Variants in PLPP7 observed in about 807,000 individuals in gnomAD.
The protein encoded by PLPP7 is inactive phospholipid phosphatase 7.
In PLPP7, 11 loss-of-function variants were observed where a neutral mutation model predicts 16.9. That is an observed-to-expected ratio of 0.65 (90% CI 0.41 to 1.08). The LOEUF is 1.08. PLPP7 is among the 50% of genes least tolerant of loss of function. PLPP7 has a pLI of 0.00. For synonymous variants in PLPP7, 174 were observed against 175.1 expected (o/e 0.99, Z 0.05); for missense variants, 358 against 397.1 (o/e 0.90, Z 0.84).
chr9:131,291,221 C>G, intron 1 of PLPP7: 1 of 1,352,380 alleles, frequency 7.4e-7, no homozygotes, highest in Non-Finnish European at 9.9e-7. Context: ...CGGGCACCAC[C>G]AGGTCCCCAA....
intron 1 of PLPP7, among the ~76,000 whole-genome samples, chr9:131,305,790 G>A (rs1835845924): frequency 6.6e-6 from 1 of 152,084 alleles, no homozygotes; most frequent in Non-Finnish European, 1.5e-5. Context: ...CATCACACAT[G>A]TCTAATTTTT....
intron 1 of PLPP7, among the ~76,000 whole-genome samples, chr9:131,296,319 A>AT (rs1835734446): frequency 6.6e-6 from 1 of 152,060 alleles, no homozygotes; most frequent in South Asian, 2.1e-4. Flanking sequence ...GCTGGAGTAA[A>AT]GTGATGCGAT....
In PLPP7 at chr9:131,295,887, G is replaced by A. The variant is rs1279197137; in HGVS notation, c.451+5439G>A. On this transcript the variant is annotated intron_variant, in intron 1 of 1. Coordinates refer to ENST00000372264, the MANE Select transcript of PLPP7 (RefSeq NM_032728.4). This position sits in a 1 kb window ranked among gnomAD's most constrained non-coding sequence, Gnocchi z 4.0. ...TCAGTTACAGGATGGACCACATTTC[G>A]TGTATCCATTCGTGCACCCATGGAC... Among the ~76,000 whole-genome samples, 5 of 152,060 alleles carry A rather than the reference G, an allele frequency of 3.3e-5. No individual in the cohort carries two copies. The highest frequency in any genetic ancestry group is 2.1e-4 in the South Asian group (1 of 4,820).
Position 131,290,226 on chromosome 9 carries a change from T to G in PLPP7, c.229T>G (p.Phe77Val). The stretch of plus-strand genomic sequence containing the variant: ...GGACTGCATGCAGCTGAACCCCTCC[T>G]TCAAGGGCATCGCCTTCAACTCCCT... ...EEDCMQLNPS[F>V]KGIAFNSLLA... Residue 77 changes from phenylalanine (F) to valine (V), a missense_variant, in exon 1 of 2, where the codon TTC (phenylalanine) becomes GTC (valine). Transcript: ENST00000372264. This position sits in a 1 kb window ranked among gnomAD's most constrained non-coding sequence, Gnocchi z 4.2. The G allele has an allele frequency of 6.2e-7, 1 of 1,609,394 alleles. No homozygotes were observed. Among genetic ancestry groups the G allele is most frequent in the Non-Finnish European group, 8.5e-7 (1 of 1,177,488 alleles).
At position 131,298,989 on chromosome 9, in the gene PLPP7, G is replaced by A. The variant is rs78859087; in HGVS notation, c.451+8541G>A. 3.5e-3 allele frequency among the ~76,000 whole-genome samples: 529 copies of A among 151,998 alleles called. 5 individuals are homozygous for A. The highest frequency in any genetic ancestry group is 0.012 in the African/African-American group (502 of 41,460). Reference sequence around the variant, plus strand: ...GGAGCTGGTTGGGACGGAAGAGCGTGAGGGGTGGTGGACAAGCCCTGGTGT... The same window carrying A: ...GGAGCTGGTTGGGACGGAAGAGCGTAAGGGGTGGTGGACAAGCCCTGGTGT... On this transcript the variant is annotated intron_variant, in intron 1 of 1. Coordinates refer to ENST00000372264, the MANE Select transcript of PLPP7 (RefSeq NM_032728.4).
rs1835666153 is a variant in PLPP7 at position 131,290,873 on chromosome 9, G to T, written c.451+425G>T. On this transcript the variant is annotated intron_variant, in intron 1 of 1. Coordinates refer to ENST00000372264, the MANE Select transcript of PLPP7 (RefSeq NM_032728.4). The surrounding 1 kb of genome is among the most constrained non-coding windows in gnomAD (Gnocchi z 4.2). Reference sequence around the variant, plus strand: ...CTCGCTCCTTGACAGCTCCCAGCCAGGCTGTTCCCGTGAGCTGCCCCATGA... The same window carrying T: ...CTCGCTCCTTGACAGCTCCCAGCCATGCTGTTCCCGTGAGCTGCCCCATGA... Among the ~76,000 whole-genome samples, 1 of 152,140 alleles carries T rather than the reference G, an allele frequency of 6.6e-6. No homozygotes were observed. The highest frequency in any genetic ancestry group is 1.5e-5 in the Non-Finnish European group (1 of 68,022).
Position 131,308,193 on chromosome 9 carries a change from T to C in PLPP7, c.722T>C (p.Leu241Pro). 4 of 1,600,036 alleles carry C rather than the reference T, an allele frequency of 2.5e-6. No homozygotes were observed. The highest frequency in any genetic ancestry group is 3.4e-6 in the Non-Finnish European group (4 of 1,179,822). The change falls in exon 2 of 2, where the codon CTC (leucine) becomes CCC (proline). Residue 241 changes from leucine (L) to proline (P), a missense_variant. Physicochemically the swap from Leu to Pro is moderately conservative, Grantham distance 98. Coordinates refer to ENST00000372264, the MANE Select transcript of PLPP7 (RefSeq NM_032728.4). The stretch of plus-strand genomic sequence containing the variant: ...GGCCGCCACCACGTCACGGACGTCC[T>C]CTCCGGCTTTGTCATCGGCTACCTC... ...MIGRHHVTDV[L>P]SGFVIGYLQF... is the part of the protein sequence containing the mutation.
intron 1 of PLPP7, among the ~76,000 whole-genome samples, chr9:131,296,418 C>T (rs984672849): frequency 1.3e-5 from 2 of 152,144 alleles, no homozygotes; most frequent in African/African-American, 4.8e-5. Context: ...CGCCTGCCAC[C>T]ATGCCTGGCT....
rs77928457 is a variant in PLPP7, at chr9:131,305,035, G to T, written c.452-2888G>T. Among the ~76,000 whole-genome samples, 2,618 of 152,296 alleles carry T rather than the reference G, an allele frequency of 0.017. 117 individuals carry two copies. The East Asian group carries it at 0.19, about 11-fold the overall frequency. ...GGGGTTCATCTTGTCCTCTATAAAG[G>T]GGGGAATGACACAGCGCAGTTGCTG... On this transcript the variant is annotated intron_variant, in intron 1 of 1. Transcript: ENST00000372264.
rs1023663898 is a variant in PLPP7, at chr9:131,295,749, G to A, written c.451+5301G>A. ...CTAGGGACCTCAAGTAAGTGGAATC[G>A]TACTGTATTTGTCTTTTGTGGCTGG... On this transcript the variant is annotated intron_variant, in intron 1 of 1. Coordinates refer to ENST00000372264, the MANE Select transcript of PLPP7 (RefSeq NM_032728.4). The surrounding 1 kb of genome is among the most constrained non-coding windows in gnomAD (Gnocchi z 4.0). Among the ~76,000 whole-genome samples, 1 of 151,988 alleles carries A rather than the reference G, an allele frequency of 6.6e-6. No individual in the cohort carries two copies. Among genetic ancestry groups the A allele is most frequent in the Non-Finnish European group, 1.5e-5 (1 of 68,020 alleles).
rs1588211736 is a variant in PLPP7, at chr9:131,308,353, C to T, written c.*66C>T. ...GCCCTAGAGAAGGGGCAGGGGGTGG[C>T]GAGGTGGCGGGCGTGGGTGGAACAG... On this transcript the variant is annotated 3_prime_UTR_variant, in exon 2 of 2. Transcript: ENST00000372264. 7.4e-6 allele frequency: 11 copies of T among 1,491,666 alleles called. No homozygotes were observed. Among genetic ancestry groups the T allele is most frequent in the South Asian group, 6.6e-5 (5 of 75,768 alleles). The allele number at this position is 1,491,666 out of a possible 1,614,324, so 92.4% of individuals were successfully genotyped here. A position where few individuals can be genotyped will look rare whatever the true frequency, so the allele number is the denominator to read the frequency against.
At chr9:131,292,860 G>T (rs977244898) in intron 1 of PLPP7, 2 of 985,192 alleles carry the variant, frequency 2.0e-6, no homozygotes, top group African/African-American at 3.5e-5. Flanking sequence ...TTAAGATAAG[G>T]CTTCAGGCTC....
At position 131,290,160 on chromosome 9, in the gene PLPP7, G is replaced by A. The variant is rs749026819; in HGVS notation, c.163G>A (p.Gly55Arg). 16 of 1,575,580 alleles carry A rather than the reference G, an allele frequency of 1.0e-5. No individual in the cohort carries two copies. The highest frequency in any genetic ancestry group is 4.7e-5 in the South Asian group (4 of 85,938). Reference sequence around the variant, plus strand: ...AGCACAGCCCCCACCTGCTGGTGACGGGGCCAGAGAGCGACGCCAGTCACA... The same window carrying A: ...AGCACAGCCCCCACCTGCTGGTGACAGGGCCAGAGAGCGACGCCAGTCACA... ...PSAQPPPAGD[G>R]ARERRQSQQL... is the part of the protein sequence containing the mutation. Residue 55 changes from glycine (G) to arginine (R), a missense_variant, in exon 1 of 2, where the codon GGG becomes AGG. By Grantham distance (125) the Gly-to-Arg change is moderately radical. Coordinates refer to ENST00000372264, the MANE Select transcript of PLPP7 (RefSeq NM_032728.4). The surrounding 1 kb of genome is among the most constrained non-coding windows in gnomAD (Gnocchi z 4.2).
At position 131,291,101 on chromosome 9, in the gene PLPP7, T is replaced by C. The variant is rs28636043; in HGVS notation, c.451+653T>C. 1,899 of 1,366,450 alleles carry C rather than the reference T, an allele frequency of 1.4e-3. 28 individuals carry two copies. In the African/African-American group the frequency reaches 0.025, roughly 18 times the overall value. 84.6% of individuals were successfully genotyped at this position (1,366,450 alleles called of 1,614,324 possible). On this transcript the variant is annotated intron_variant, in intron 1 of 1. Transcript: ENST00000372264. The stretch of plus-strand genomic sequence containing the variant: ...TTGTTTGCAAAGTCTTTGCCACCAA[T>C]GTCTTGCAGATTAGCACCGCCCTGT...
At chr9:131,307,667 G>C (rs1835868924) in intron 1 of PLPP7, among the ~76,000 whole-genome samples, 1 of 151,868 alleles carries the variant, frequency 6.6e-6, no homozygotes, top group Non-Finnish European at 1.5e-5. Flanking sequence ...GAGACAGCGT[G>C]GTGGGGGCTT....
chr9:131,306,100 A>G lies in PLPP7; in HGVS notation c.452-1823A>G, dbSNP rs908727816. On this transcript the variant is annotated intron_variant, in intron 1 of 1. Coordinates refer to ENST00000372264, the MANE Select transcript of PLPP7 (RefSeq NM_032728.4). ...AAAATACAAAAAATTAGCCAGGCGT[A>G]GTGGCAGGCGCCTGTAGTCCCAGCT... Among the ~76,000 whole-genome samples, 6 of 152,014 alleles carry G rather than the reference A, an allele frequency of 3.9e-5. No individual in the cohort carries two copies. The South Asian group carries it at 6.2e-4, about 16-fold the overall frequency.
At chr9:131,293,826 C>T (rs989116875) in intron 1 of PLPP7, among the ~76,000 whole-genome samples, 11 of 152,096 alleles carry the variant, frequency 7.2e-5, no homozygotes, top group South Asian at 2.1e-4. Context: ...CCATGCCACA[C>T]GGTGACATCA....
Position 131,308,044 on chromosome 9 carries a change from C to A in PLPP7, c.573C>A (p.Ala191=), listed in dbSNP as rs371238589. 4.4e-6 allele frequency: 7 copies of A among 1,601,204 alleles called. No homozygotes were observed. Among genetic ancestry groups the A allele is most frequent in the Non-Finnish European group, 5.9e-6 (7 of 1,179,860 alleles). Residue 191 remains alanine, a synonymous_variant, in exon 2 of 2, where the codon GCC becomes GCA. Transcript: ENST00000372264. The stretch of plus-strand genomic sequence containing the variant: ...CCATGGACATCTACGCCTTCCCGGC[C>A]GGGCACGCCAGCCGCGCCGCCATGG... ...YLTMDIYAFP[A]GHASRAAMVS... is the part of the protein sequence containing the mutation.
In PLPP7 at chr9:131,290,107, G is replaced by C; in HGVS notation, c.110G>C (p.Ser37Thr). The change falls in exon 1 of 2, where the codon AGC (serine) becomes ACC (threonine). Residue 37 changes from serine (S) to threonine (T), a missense_variant. By Grantham distance (58) the Ser-to-Thr change is moderately conservative (BLOSUM62 1). Transcript: ENST00000372264. This position sits in a 1 kb window ranked among gnomAD's most constrained non-coding sequence, Gnocchi z 4.2. ...CCCAAGGGGGGCCCGGAGCCCCGCA[G>C]CTCGGGCAGAAAGGCCTCGGGCCCA... Reference protein sequence around the residue: ...QPPKGGPEPRSSGRKASGPSA... With the variant: ...QPPKGGPEPRTSGRKASGPSA... 1 of 1,530,432 alleles carries C rather than the reference G, an allele frequency of 6.5e-7. No homozygotes were observed. The highest frequency in any genetic ancestry group is 8.8e-7 in the Non-Finnish European group (1 of 1,137,632). 94.8% of individuals were successfully genotyped at this position (1,530,432 alleles called of 1,614,324 possible). A position where few individuals can be genotyped will look rare whatever the true frequency, so the allele number is the denominator to read the frequency against.
Sources: gnomAD v4.1 joint callset for allele counts (sites outside exome capture counted in the v4.1 genomes callset) on GRCh38, gnomAD v4.1.1 for gene constraint, Gnocchi (gnomAD v3.1) non-coding constraint, MANE v1.5 for transcripts, NCBI Gene and HGNC (gene_info 2026-07-23, HGNC 2026-07-21) for gene names.